Variants in SLC4A4 observed in about 807,000 individuals in gnomAD.
SLC4A4 encodes electrogenic sodium bicarbonate cotransporter 1.
A neutral mutation model predicts 111.5 loss-of-function variants in SLC4A4; 27 were observed. The observed-to-expected ratio is 0.24, with a 90% CI of 0.18 to 0.33. The LOEUF (loss-of-function observed/expected upper bound fraction) is 0.33. Among genes scored for constraint, SLC4A4 ranks in the 10% least tolerant of loss-of-function variants. The probability of loss-of-function intolerance (pLI) is 1.00; values close to 1 mark genes in which losing one functional copy is unlikely to be tolerated. For missense variants in SLC4A4, 909 were observed against 1,315.5 expected (o/e 0.69, Z 4.78); for synonymous variants, 443 against 463.4 (o/e 0.96, Z 0.57).
intron 3 of SLC4A4, among the ~76,000 whole-genome samples, chr4:71,313,351 C>A (rs193189831): frequency 6.6e-6 from 1 of 152,286 alleles, no homozygotes; most frequent in African/African-American, 2.4e-5. Context: ...GGCCATATGG[C>A]CCAGAGTAAT....
At chr4:71,467,158 T>C (rs1727447205) in intron 13 of SLC4A4, among the ~76,000 whole-genome samples, 1 of 152,070 alleles carries the variant, frequency 6.6e-6, no homozygotes, top group Admixed American at 6.6e-5. Context: ...AAGTTAGTAG[T>C]GGCTTCCTGC....
chr4:71,482,498 G>T (rs996284951), intron 14 of SLC4A4, among the ~76,000 whole-genome samples: 4 of 151,446 alleles, frequency 2.6e-5, no homozygotes, highest in Non-Finnish European at 5.9e-5. Flanking sequence ...GTACACCCCT[G>T]GCCTTTATTA....
intron 2 of SLC4A4, among the ~76,000 whole-genome samples, chr4:71,249,660 G>T (rs749548913): frequency 4.6e-5 from 7 of 152,100 alleles, no homozygotes; most frequent in Non-Finnish European, 7.4e-5. Context: ...AGGCCGAAGT[G>T]AGTGGATCAC....
chr4:71,372,929 T>G (rs922259562), intron 6 of SLC4A4, among the ~76,000 whole-genome samples: 1 of 152,164 alleles, frequency 6.6e-6, no homozygotes. Flanking sequence ...ACAGTTAACA[T>G]TAGAATTTAA....
At chr4:71,482,511 CA>C (rs1728976320) in intron 14 of SLC4A4, among the ~76,000 whole-genome samples, 1 of 151,588 alleles carries the variant, frequency 6.6e-6, no homozygotes, top group Admixed American at 6.6e-5. Context: ...CTTTATTATC[CA>C]TCATTCATTT....
At chr4:71,363,113 A>G (rs994467640) in intron 6 of SLC4A4, among the ~76,000 whole-genome samples, 1 of 152,124 alleles carries the variant, frequency 6.6e-6, no homozygotes, top group Admixed American at 6.5e-5. Flanking sequence ...TGCTGGTTTG[A>G]TATAAACACA....
In SLC4A4 at chr4:71,407,160, G is replaced by A. The variant is rs532582655; in HGVS notation, c.807+9507G>A. ...CTGTGGAACAGACACGTATTCAATC[G>A]AAGTTTCTGGCTTTTGGTTTGTCTT... On this transcript the variant is annotated intron_variant, in intron 7 of 25. Coordinates refer to ENST00000264485, the MANE Select transcript of SLC4A4 (RefSeq NM_001098484.3). Among the ~76,000 whole-genome samples the A allele has an allele frequency of 5.3e-5, 8 of 152,230 alleles. No homozygotes were observed. The East Asian group carries it at 9.6e-4, about 18-fold the overall frequency.
intron 1 of SLC4A4, among the ~76,000 whole-genome samples, chr4:71,193,114 T>C (rs1478716261): frequency 6.6e-6 from 1 of 152,230 alleles, no homozygotes; most frequent in Non-Finnish European, 1.5e-5. Context: ...TTGTTTGGGT[T>C]GTTTCCAGTT....
At chr4:71,071,469 AT>A (rs1741660352) in intron 1 of SLC4A4, among the ~76,000 whole-genome samples, 1 of 152,140 alleles carries the variant, frequency 6.6e-6, no homozygotes, top group African/African-American at 2.4e-5. Flanking sequence ...GTATTAAAAT[AT>A]TTTTTATTGC....
At chr4:71,193,500 T>A (rs1394908211) in intron 1 of SLC4A4, among the ~76,000 whole-genome samples, 5 of 152,198 alleles carry the variant, frequency 3.3e-5, no homozygotes, top group Non-Finnish European at 7.3e-5. Context: ...GTTTAATTGA[T>A]GGGACGGTTT....
At chr4:71,276,624 A>T (rs955402931) in intron 3 of SLC4A4, among the ~76,000 whole-genome samples, 1 of 145,764 alleles carries the variant, frequency 6.9e-6, no homozygotes, top group Non-Finnish European at 1.5e-5. Context: ...CCTTAGTTCC[A>T]TCTAAGTTGT....
chr4:71,189,156 A>G (rs1388108427), intron 1 of SLC4A4, among the ~76,000 whole-genome samples: 1 of 152,160 alleles, frequency 6.6e-6, no homozygotes, highest in Admixed American at 6.5e-5. Flanking sequence ...AAAAAACTGA[A>G]AACTAAGAAA....
chr4:71,181,618 A>G (rs1205771267), intron 2 of SLC4A4, among the ~76,000 whole-genome samples: 1 of 152,174 alleles, frequency 6.6e-6, no homozygotes, highest in African/African-American at 2.4e-5. Flanking sequence ...AAGCTTCTCT[A>G]TTTTTAATGT....
chr4:71,083,433 C>T (rs1283859437), intron 1 of SLC4A4, among the ~76,000 whole-genome samples: 1 of 151,818 alleles, frequency 6.6e-6, no homozygotes, highest in Non-Finnish European at 1.5e-5. Flanking sequence ...TTTTTTCCTA[C>T]TCTTCCAACT....
chr4:71,560,147 G>A lies in SLC4A4; in HGVS notation c.2992G>A (p.Asp998Asn), dbSNP rs1235965886. ...KGMDYLFSQH[D>N]LSFLDDVIPE... ...CATGGACTACCTCTTCTCCCAGCAC[G>A]ACCTCAGCTTCCTGGATGATGTCAT... Residue 998 changes from aspartate (D) to asparagine (N), a missense_variant, in exon 23 of 26, where the codon GAC becomes AAC. Physicochemically the swap from Asp to Asn is conservative, Grantham distance 23. Around this residue, in one of 7 missense-constraint regions of SLC4A4, gnomAD observed 104 missense variants for 219.5 expected, o/e 0.47. Coordinates refer to ENST00000264485, the MANE Select transcript of SLC4A4 (RefSeq NM_001098484.3). The A allele has an allele frequency of 6.2e-7, 1 of 1,611,396 alleles. No homozygotes were observed. Among genetic ancestry groups the A allele is most frequent in the Non-Finnish European group, 8.5e-7 (1 of 1,178,174 alleles).
intron 3 of SLC4A4, among the ~76,000 whole-genome samples, chr4:71,297,358 T>C (rs1378474282): frequency 1.3e-5 from 2 of 152,150 alleles, no homozygotes; most frequent in East Asian, 3.9e-4. Context: ...GCAGCTGCCG[T>C]GTAGCATCAT....
At chr4:71,442,708 G>A (rs551930370) in intron 8 of SLC4A4, among the ~76,000 whole-genome samples, 5 of 152,160 alleles carry the variant, frequency 3.3e-5, no homozygotes, top group African/African-American at 1.2e-4. Context: ...TCTTTTTATG[G>A]TCATTTTTCT....
In SLC4A4 at chr4:71,102,876, A is replaced by C. The variant is rs1228275764; in HGVS notation, c.-2+10084A>C. ...AACTGCATCAACTAACGAGCAAAAT[A>C]ACCAGCTAACATCATAATGACAGGA... On this transcript the variant is annotated intron_variant, in intron 2 of 26. Transcript: ENST00000649996. Among the ~76,000 whole-genome samples, 6 of 152,062 alleles carry C rather than the reference A, an allele frequency of 3.9e-5. No individual in the cohort carries two copies. In the East Asian group the frequency reaches 5.8e-4, roughly 15 times the overall value.
At chr4:71,424,130 C>G (rs1457684339) in intron 7 of SLC4A4, among the ~76,000 whole-genome samples, 1 of 151,904 alleles carries the variant, frequency 6.6e-6, no homozygotes, top group African/African-American at 2.4e-5. Flanking sequence ...ACAATGAACT[C>G]AAACAAATTT....
Sources: gnomAD v4.1 joint callset for allele counts (sites outside exome capture counted in the v4.1 genomes callset) on GRCh38, gnomAD v4.1.1 for gene constraint, gnomAD v4.1.1 regional missense constraint, MANE v1.5 for transcripts, NCBI Gene and HGNC (gene_info 2026-07-23, HGNC 2026-07-21) for gene names.